SETX: variants seen among roughly 807,000 people sequenced by gnomAD.
The protein encoded by SETX is helicase senataxin.
A neutral mutation model predicts 227.2 loss-of-function variants in SETX; 90 were observed. The ratio of observed to expected loss-of-function variants is 0.40; its 90% CI spans 0.33 to 0.47. The LOEUF (loss-of-function observed/expected upper bound fraction) is 0.47. Among genes scored for constraint, SETX ranks in the 20% least tolerant of loss-of-function variants. The pLI, the probability that SETX is intolerant of heterozygous loss-of-function variation, is 0.91. For synonymous variants in SETX, 1,210 were observed against 1,113.2 expected (o/e 1.09, Z -1.73); for missense variants, 3,052 against 3,181.5 (o/e 0.96, Z 0.98).
chr9:132,307,232 C>T (rs920873950), intron 11 of SETX, among the ~76,000 whole-genome samples: 5 of 151,720 alleles, frequency 3.3e-5, no homozygotes, highest in Non-Finnish European at 2.9e-5. Flanking sequence ...CCAGCCTGGG[C>T]GACAGAGCAA....
chr9:132,276,946 G>A (rs1589621612), intron 22 of SETX, 114 bp downstream of exon 22: 7 of 877,198 alleles, frequency 8.0e-6, no homozygotes, highest in African/African-American at 5.0e-5. Context: ...ACATGACTGT[G>A]CCCTGACACT....
intron 11 of SETX, among the ~76,000 whole-genome samples, chr9:132,303,803 C>CG (rs1845166658): frequency 6.6e-6 from 1 of 152,118 alleles, no homozygotes; most frequent in African/African-American, 2.4e-5. Flanking sequence ...TGACATACTA[C>CG]TACACACCCG....
chr9:132,349,713 C>T (rs1046467829), intron 2 of SETX, among the ~76,000 whole-genome samples: 7 of 152,156 alleles, frequency 4.6e-5, no homozygotes, highest in Non-Finnish European at 8.8e-5. Context: ...CTCAAAACAA[C>T]ACAGTACCGA....
At chr9:132,331,604 A>T (rs1389448481) in intron 7 of SETX, among the ~76,000 whole-genome samples, 156 bp from the exon 8 acceptor site, 1 of 152,218 alleles carries the variant, frequency 6.6e-6, no homozygotes, top group Admixed American at 6.5e-5. Context: ...CAGTCCTCAG[A>T]CACACAGAGG....
At chr9:132,274,913 C>T in intron 23 of SETX, 1 of 270,144 alleles carries the variant, frequency 3.7e-6, no homozygotes, top group South Asian at 5.9e-5. Flanking sequence ...AAAGGCAATA[C>T]AAGGGTTAAA....
At chr9:132,344,124 A>G (rs1319306203) in intron 4 of SETX, among the ~76,000 whole-genome samples, 1 of 152,218 alleles carries the variant, frequency 6.6e-6, no homozygotes, top group Non-Finnish European at 1.5e-5. Context: ...CGGGTTTTGC[A>G]ACCCATAAAT....
chr9:132,315,930 G>A (rs914869603), intron 10 of SETX, among the ~76,000 whole-genome samples: 2 of 152,202 alleles, frequency 1.3e-5, no homozygotes, highest in Non-Finnish European at 2.9e-5. Context: ...GGGTGTGTGA[G>A]AGATTTAGAC....
At chr9:132,265,510 C>A (rs975336827) in intron 25 of SETX, among the ~76,000 whole-genome samples, 4 of 152,160 alleles carry the variant, frequency 2.6e-5, no homozygotes, top group Non-Finnish European at 4.4e-5. Context: ...AGGCAGGAGC[C>A]ACCGTGCCTG....
chr9:132,297,892 G>A (rs757780461), intron 13 of SETX, among the ~76,000 whole-genome samples, 188 bp downstream of exon 13: 1 of 152,140 alleles, frequency 6.6e-6, no homozygotes, highest in Non-Finnish European at 1.5e-5. Context: ...TTATTGTACT[G>A]TACCTTTTCC....
At chr9:132,270,946 ATTACT>A (rs1842874303) in intron 24 of SETX, among the ~76,000 whole-genome samples, 1 of 152,264 alleles carries the variant, frequency 6.6e-6, no homozygotes, top group African/African-American at 2.4e-5. Flanking sequence ...AGGGGCAAAG[ATTACT>A]TTAATTACTA....
rs1402767850 is a variant in SETX, at chr9:132,269,698, G to C, written c.7204C>G (p.Leu2402Val). The change falls in exon 25 of 26, where the codon CTG becomes GTG. Residue 2402 changes from leucine (L) to valine (V), a missense_variant. Transcript: ENST00000224140. ...ANSIQGSIGF[L>V]ASLQRLNVTI... is the part of the protein sequence containing the mutation. ...ACATTCAATCTCTGCAAACTTGCCA[G>C]GAATCTAGGCAATAAAAAAAGAGTT... The C allele has an allele frequency of 6.2e-7, 1 of 1,614,130 alleles. No individual in the cohort carries two copies. Among genetic ancestry groups the C allele is most frequent in the Admixed American group, 1.7e-5 (1 of 60,014 alleles).
In SETX at chr9:132,327,918, C is replaced by T. The variant is rs750526955; in HGVS notation, c.3680G>A (p.Cys1227Tyr). ...TVSQKKSSKL[C>Y]TCTEPIRKVP... ...TTTCCTGATGGGTTCTGTACAAGTA[C>T]AAAGCTTTGAAGACTTCTTTTGTGA... is the stretch of plus-strand genomic sequence containing the variant. Residue 1227 changes from cysteine to tyrosine, a missense_variant, in exon 10 of 26, where the codon TGT becomes TAT. Cys to Tyr is a radical substitution (Grantham distance 194, BLOSUM62 -2). Around this residue, in one of 10 missense-constraint regions of SETX, gnomAD observed 1,483 missense variants for 1,312.0 expected, o/e 1.13. Coordinates refer to ENST00000224140, the MANE Select transcript of SETX (RefSeq NM_015046.7). 6.2e-7 allele frequency: 1 copy of T among 1,614,024 alleles called. No homozygotes were observed. Among genetic ancestry groups the T allele is most frequent in the African/African-American group, 1.3e-5 (1 of 74,908 alleles).
rs995288493 is a variant in SETX, at chr9:132,264,654, C to T, written c.7619G>A (p.Arg2540Gln). ...PPVHDQLQDPRLLKRMGIEVK... is the reference protein window; with the variant it reads ...PPVHDQLQDPQLLKRMGIEVK... ...CTCAATGCCCATCCTCTTCAGCAGT[C>T]GTGGGTCCTGAAGTTGGTCATGAAC... is the stretch of plus-strand genomic sequence containing the variant. The change falls in exon 26 of 26, where the codon CGA becomes CAA. Residue 2540 changes from arginine (R) to glutamine (Q), a missense_variant. This residue lies in a region of SETX where 294 missense variants were observed against 278.8 expected (regional missense o/e 1.05). Transcript: ENST00000224140. 2.5e-6 allele frequency: 4 copies of T among 1,614,064 alleles called. No individual in the cohort carries two copies. Among genetic ancestry groups the T allele is most frequent in the East Asian group, 2.2e-5 (1 of 44,902 alleles).
At chr9:132,312,768 A>G (rs1845739721) in intron 10 of SETX, among the ~76,000 whole-genome samples, 1 of 152,230 alleles carries the variant, frequency 6.6e-6, no homozygotes, top group Non-Finnish European at 1.5e-5. Flanking sequence ...GCAACTCCAT[A>G]GAATCATCAT....
chr9:132,320,242 A>G (rs1427799282), intron 10 of SETX, among the ~76,000 whole-genome samples: 3 of 152,180 alleles, frequency 2.0e-5, no homozygotes, highest in Non-Finnish European at 2.9e-5. Context: ...TCTATGTTTC[A>G]GGTTCTAAAT....
intron 20 of SETX, among the ~76,000 whole-genome samples, chr9:132,279,654 A>C (rs1300709485): frequency 2.0e-5 from 3 of 152,248 alleles, no homozygotes; most frequent in Non-Finnish European, 4.4e-5. Flanking sequence ...ATAATTATTA[A>C]TAGATACATG....
intron 23 of SETX, among the ~76,000 whole-genome samples, chr9:132,272,500 A>G (rs1372293534): frequency 6.6e-6 from 1 of 151,632 alleles, no homozygotes; most frequent in Non-Finnish European, 1.5e-5. Flanking sequence ...AGAGAGAGAG[A>G]GACAGAGTCT....
intron 11 of SETX, among the ~76,000 whole-genome samples, chr9:132,310,891 TTTTAG>T (rs1352342408): frequency 6.6e-5 from 10 of 152,220 alleles, no homozygotes; most frequent in African/African-American, 2.2e-4. Flanking sequence ...TTCCTTATGA[TTTTAG>T]TTTCTTTTCT....
chr9:132,295,842 A>G, intron 15 of SETX, 30 bp downstream of exon 15: 10 of 1,602,506 alleles, frequency 6.2e-6, no homozygotes, highest in Non-Finnish European at 8.5e-6. Flanking sequence ...GAAAACAAAA[A>G]CAAATTTAAA....
Sources: gnomAD v4.1 joint callset for allele counts (sites outside exome capture counted in the v4.1 genomes callset) on GRCh38, gnomAD v4.1.1 for gene constraint, gnomAD v4.1.1 regional missense constraint, MANE v1.5 for transcripts, NCBI Gene and HGNC (gene_info 2026-07-23, HGNC 2026-07-21) for gene names.